Variants in TDRD3 observed in about 807,000 individuals in gnomAD.
TDRD3 encodes the protein tudor domain-containing protein 3.
A neutral mutation model predicts 86.7 loss-of-function variants in TDRD3; 45 were observed. The observed-to-expected ratio is 0.52, with a 90% CI of 0.41 to 0.67. The LOEUF (loss-of-function observed/expected upper bound fraction) is 0.67, where lower values mean the gene tolerates loss of function less well. Ranked by LOEUF, TDRD3 falls within the 30% of genes least tolerant of loss-of-function variation. The pLI, the probability that TDRD3 is intolerant of heterozygous loss-of-function variation, is 0.00. For synonymous variants in TDRD3, 298 were observed against 301.7 expected (o/e 0.99, Z 0.13); for missense variants, 814 against 889.0 (o/e 0.92, Z 1.07).
At chr13:60,435,731 G>A (rs1341027691) in intron 1 of TDRD3, among the ~76,000 whole-genome samples, 6 of 152,114 alleles carry the variant, frequency 3.9e-5, no homozygotes, top group Non-Finnish European at 2.9e-5. Context: ...TACAGTAAAC[G>A]TGTGTGCATG....
At chr13:60,521,958 A>G (rs552613895) in intron 10 of TDRD3, among the ~76,000 whole-genome samples, 1 of 152,296 alleles carries the variant, frequency 6.6e-6, no homozygotes, top group South Asian at 2.1e-4. Context: ...CTGAATAATT[A>G]CTATATCTGG....
At chr13:60,531,795 T>C (rs1957587963) in intron 11 of TDRD3, among the ~76,000 whole-genome samples, 1 of 152,110 alleles carries the variant, frequency 6.6e-6, no homozygotes, top group Non-Finnish European at 1.5e-5. Flanking sequence ...TTATCTGCAG[T>C]GTCTAATATC....
At chr13:60,496,613 AG>A (rs146674297) in intron 8 of TDRD3, among the ~76,000 whole-genome samples, 25 of 151,990 alleles carry the variant, frequency 1.6e-4, no homozygotes, top group Non-Finnish European at 3.2e-4. Context: ...AGAGGCAAGG[AG>A]TTTAGTGACT....
intron 11 of TDRD3, 127 bp from the exon 12 acceptor site, chr13:60,534,981 C>G: frequency 1.0e-6 from 1 of 967,420 alleles, no homozygotes. Context: ...CAAAAGGGTT[C>G]CAAAGGTAAG....
Position 60,505,066 on chromosome 13 carries a change from C to T in TDRD3, c.859-4697C>T, listed in dbSNP as rs61968680. 2.7e-3 allele frequency among the ~76,000 whole-genome samples: 404 copies of T among 152,224 alleles called. 2 individuals carry two copies. Among genetic ancestry groups the T allele is most frequent in the African/African-American group, 9.0e-3 (374 of 41,504 alleles). ...GAGTTATTTTTTCATACCCCAGTGA[C>T]GCCTGGAATGCCAGTGAGACAGAAC... On this transcript the variant is annotated intron_variant, in intron 8 of 13. Coordinates refer to ENST00000377881, the MANE Select transcript of TDRD3 (RefSeq NM_001146070.2).
chr13:60,406,787 C>T (rs1352071771), intron 1 of TDRD3, among the ~76,000 whole-genome samples: 1 of 152,138 alleles, frequency 6.6e-6, no homozygotes, highest in Non-Finnish European at 1.5e-5. Context: ...TTTTAAAACA[C>T]TCTTTATAAA....
chr13:60,397,547 G>A (rs1953957568), intron 1 of TDRD3, 142 bp downstream of exon 1: 1 of 578,014 alleles, frequency 1.7e-6, no homozygotes, highest in Non-Finnish European at 2.5e-6. Context: ...CCTTCGGGCC[G>A]GCTCCGCCCC....
chr13:60,442,124 C>G (rs935363364), intron 2 of TDRD3, among the ~76,000 whole-genome samples: 1 of 151,976 alleles, frequency 6.6e-6, no homozygotes, highest in African/African-American at 2.4e-5. Flanking sequence ...TTAATTTTTG[C>G]TTTTTAAATT....
chr13:60,428,702 C>T (rs1035511328), intron 1 of TDRD3, among the ~76,000 whole-genome samples: 1 of 152,126 alleles, frequency 6.6e-6, no homozygotes, highest in Non-Finnish European at 1.5e-5. Context: ...CCTCGTGCAT[C>T]CTGAGACAAA....
Position 60,510,633 on chromosome 13 carries a change from G to T in TDRD3, c.1019G>T (p.Arg340Ile). ...TTTCTTGCTTTTGCATCTAAAGGTA[G>T]AGGAAAAGGCAGGGGGCGAATAAGA... ...KPVMGPPLRG[R>I]GKGRGRIRSE... The change falls in exon 10 of 14, where the codon AGA (arginine) becomes ATA (isoleucine). Residue 340 changes from arginine to isoleucine, a missense_variant. By Grantham distance (97) the Arg-to-Ile change is moderately conservative. Coordinates refer to ENST00000377881, the MANE Select transcript of TDRD3 (RefSeq NM_001146070.2). The T allele has an allele frequency of 6.3e-7, 1 of 1,596,356 alleles. No individual in the cohort carries two copies. The highest frequency in any genetic ancestry group is 8.5e-7 in the Non-Finnish European group (1 of 1,172,070).
intron 2 of TDRD3, among the ~76,000 whole-genome samples, chr13:60,441,683 A>G (rs1405319087): frequency 6.6e-6 from 1 of 152,182 alleles, no homozygotes; most frequent in Admixed American, 6.6e-5. Flanking sequence ...GCATATATGT[A>G]CGTACCCACA....
chr13:60,469,419 A>AACAC (rs754243716), intron 5 of TDRD3, among the ~76,000 whole-genome samples: 3 of 149,462 alleles, frequency 2.0e-5, no homozygotes, highest in Non-Finnish European at 4.5e-5. Context: ...CCTTCTCACC[A>AACAC]ACACACACAC....
chr13:60,513,723 A>G (rs935123951), intron 10 of TDRD3, among the ~76,000 whole-genome samples: 3 of 152,110 alleles, frequency 2.0e-5, no homozygotes, highest in Non-Finnish European at 2.9e-5. Flanking sequence ...TTCCCTGAAC[A>G]AGCTCTCTCT....
intron 4 of TDRD3, among the ~76,000 whole-genome samples, chr13:60,464,314 T>C (rs77110134): frequency 0.11 from 17,125 of 152,106 alleles, 1,297 homozygotes; most frequent in African/African-American, 0.21. Context: ...GGAATGTAAA[T>C]TAGTGCAACC....
chr13:60,500,634 G>A (rs897452003), intron 8 of TDRD3, among the ~76,000 whole-genome samples: 1 of 152,224 alleles, frequency 6.6e-6, no homozygotes. Context: ...TGCATTTAAG[G>A]AGAAATGGCG....
intron 11 of TDRD3, among the ~76,000 whole-genome samples, chr13:60,533,734 G>T (rs913284035): frequency 1.3e-5 from 2 of 152,094 alleles, no homozygotes; most frequent in South Asian, 4.1e-4. Flanking sequence ...AGAGCAATTT[G>T]TTTTTTGTGT....
At chr13:60,473,528 CAT>C (rs991743768) in intron 5 of TDRD3, among the ~76,000 whole-genome samples, 3 of 152,138 alleles carry the variant, frequency 2.0e-5, no homozygotes, top group Non-Finnish European at 2.9e-5. Flanking sequence ...CATAATAAAA[CAT>C]ATAGAATAAG....
intron 13 of TDRD3, among the ~76,000 whole-genome samples, chr13:60,569,458 A>G (rs1958533991): frequency 6.6e-6 from 1 of 152,250 alleles, no homozygotes; most frequent in African/African-American, 2.4e-5. Context: ...CTCCATGTTC[A>G]TGGATTAGAA....
upstream of TDRD3, chr13:60,396,313 G>C (rs73208049): frequency 0.04 from 6,092 of 152,340 alleles, 167 homozygotes; most frequent in Non-Finnish European, 0.066. Context: ...AGAAGGTGGA[G>C]CAAACTTTTA....
Sources: allele counts gnomAD v4.1 joint callset (sites outside exome capture counted in the v4.1 genomes callset), GRCh38; gene constraint gnomAD v4.1.1; transcripts MANE v1.5; gene names NCBI Gene and HGNC (gene_info 2026-07-23, HGNC 2026-07-21).